The following GRXCR1 variants were observed in gnomAD, a reference collection of about 807,000 sequenced individuals.
GRXCR1 encodes glutaredoxin domain-containing cysteine-rich protein 1.
A neutral mutation model predicts 27.3 loss-of-function variants in GRXCR1; 27 were observed. The ratio of observed to expected loss-of-function variants is 0.99; its 90% CI spans 0.73 to 1.37. The LOEUF (loss-of-function observed/expected upper bound fraction) is 1.37, where lower values mean the gene tolerates loss of function less well. GRXCR1 is among the 40% of genes most tolerant of loss of function. The pLI is 0.00. For missense variants in GRXCR1, 379 were observed against 354.4 expected (o/e 1.07, Z -0.56); for synonymous variants, 122 against 131.1 (o/e 0.93, Z 0.47).
At chr4:42,980,229 A>C (rs546169249) in intron 2 of GRXCR1, among the ~76,000 whole-genome samples, 1 of 150,918 alleles carries the variant, frequency 6.6e-6, no homozygotes, top group South Asian at 2.1e-4. Flanking sequence ...GAAGTGTAAC[A>C]TTAGGTTGTT....
chr4:42,996,229 G>A (rs1273445384), intron 2 of GRXCR1, among the ~76,000 whole-genome samples: 1 of 152,168 alleles, frequency 6.6e-6, no homozygotes. Context: ...TATATGTAGT[G>A]CTACAGAAAT....
At chr4:43,017,515 A>C (rs1295949875) in intron 2 of GRXCR1, among the ~76,000 whole-genome samples, 6 of 152,192 alleles carry the variant, frequency 3.9e-5, no homozygotes, top group African/African-American at 9.6e-5. Flanking sequence ...CTTACTTCGC[A>C]CCAATGCTTA....
chr4:42,990,512 C>T (rs1228071608), intron 2 of GRXCR1, among the ~76,000 whole-genome samples: 1 of 152,082 alleles, frequency 6.6e-6, no homozygotes, highest in East Asian at 1.9e-4. Flanking sequence ...ATGAATTTAT[C>T]TCTAAAAATT....
chr4:42,942,306 A>G (rs539400696), intron 1 of GRXCR1, among the ~76,000 whole-genome samples: 2 of 152,058 alleles, frequency 1.3e-5, no homozygotes, highest in Non-Finnish European at 2.9e-5. Context: ...TTTTTAAAGA[A>G]AAATTGTATT....
chr4:43,004,298 T>C (rs1712478700), intron 2 of GRXCR1, among the ~76,000 whole-genome samples: 1 of 152,228 alleles, frequency 6.6e-6, no homozygotes, highest in Non-Finnish European at 1.5e-5. Flanking sequence ...CACCTGGATG[T>C]CCAGGCAGAA....
intron 2 of GRXCR1, among the ~76,000 whole-genome samples, chr4:42,995,136 G>A (rs1427964298): frequency 6.6e-6 from 1 of 151,998 alleles, no homozygotes; most frequent in Non-Finnish European, 1.5e-5. Flanking sequence ...TCATCACTGT[G>A]ACACTTTTGA....
At chr4:42,928,021 G>C (rs929554178) in intron 1 of GRXCR1, among the ~76,000 whole-genome samples, 5 of 151,852 alleles carry the variant, frequency 3.3e-5, no homozygotes, top group Non-Finnish European at 5.9e-5. Context: ...CTCTTCAGAG[G>C]GGCAAGGAAT....
intron 1 of GRXCR1, among the ~76,000 whole-genome samples, chr4:42,902,670 C>T (rs1362638809): frequency 6.6e-6 from 1 of 152,050 alleles, no homozygotes; most frequent in Admixed American, 6.6e-5. Flanking sequence ...ACAACACACA[C>T]TGGGGCATTT....
At chr4:42,926,532 T>G (rs1293276544) in intron 1 of GRXCR1, among the ~76,000 whole-genome samples, 1 of 152,002 alleles carries the variant, frequency 6.6e-6, no homozygotes, top group Non-Finnish European at 1.5e-5. Flanking sequence ...TTCCCTTGAC[T>G]CAGTGATAAT....
intron 3 of GRXCR1, among the ~76,000 whole-genome samples, chr4:43,023,335 G>A (rs542880169): frequency 7.1e-4 from 108 of 152,310 alleles, no homozygotes; most frequent in Non-Finnish European, 1.3e-3. Context: ...GTTATTTCAA[G>A]TGATGCTGAA....
intron 1 of GRXCR1, among the ~76,000 whole-genome samples, chr4:42,932,253 GTCC>G (rs752946623): frequency 4.0e-5 from 6 of 151,674 alleles, no homozygotes; most frequent in Non-Finnish European, 7.4e-5. Flanking sequence ...ATGCATTACA[GTCC>G]TCCTGCCAGG....
intron 3 of GRXCR1, among the ~76,000 whole-genome samples, chr4:43,022,500 C>T (rs1295048257): frequency 6.6e-6 from 1 of 152,152 alleles, no homozygotes; most frequent in Non-Finnish European, 1.5e-5. Flanking sequence ...AAATAAGGCA[C>T]AAATACTTTA....
At chr4:43,008,463 T>C (rs1712634393) in intron 2 of GRXCR1, among the ~76,000 whole-genome samples, 1 of 152,234 alleles carries the variant, frequency 6.6e-6, no homozygotes, top group African/African-American at 2.4e-5. Context: ...GAAGTGTCTA[T>C]GAGGCACAAG....
intron 2 of GRXCR1, among the ~76,000 whole-genome samples, chr4:42,987,277 T>TAGAGAG (rs1181869530): frequency 2.9e-5 from 3 of 104,260 alleles, no homozygotes; most frequent in African/African-American, 7.3e-5. Flanking sequence ...TATATATATA[T>TAGAGAG]AGAGAGAGAG....
At chr4:42,973,696 G>T (rs1748439502) in intron 2 of GRXCR1, among the ~76,000 whole-genome samples, 1 of 152,120 alleles carries the variant, frequency 6.6e-6, no homozygotes, top group African/African-American at 2.4e-5. Context: ...ACCTAAGTGG[G>T]TATATCAAAG....
chr4:42,963,210 T>G, intron 2 of GRXCR1, 76 bp downstream of exon 2: 1 of 1,535,310 alleles, frequency 6.5e-7, no homozygotes, highest in South Asian at 1.1e-5. Flanking sequence ...CATCTATACA[T>G]TTGCAGCGTA....
chr4:43,024,297 A>T (rs867168515), intron 3 of GRXCR1, among the ~76,000 whole-genome samples: 1 of 148,018 alleles, frequency 6.8e-6, no homozygotes, highest in African/African-American at 2.5e-5. Context: ...CCGAGCAAAG[A>T]TTCCCGGCTA....
At chr4:42,992,363 C>T (rs530829490) in intron 2 of GRXCR1, among the ~76,000 whole-genome samples, 25 of 152,178 alleles carry the variant, frequency 1.6e-4, no homozygotes, top group African/African-American at 4.6e-4. Context: ...GTATTAATGC[C>T]ACTTTCTCTG....
At chr4:42,900,370 A>G (rs1746433085) in intron 1 of GRXCR1, among the ~76,000 whole-genome samples, 1 of 152,192 alleles carries the variant, frequency 6.6e-6, no homozygotes, top group Non-Finnish European at 1.5e-5. Context: ...TTAATTGCTG[A>G]TAAATTATGC....
Sources: gnomAD v4.1 joint callset for allele counts (sites outside exome capture counted in the v4.1 genomes callset) on GRCh38, gnomAD v4.1.1 for gene constraint, MANE v1.5 for transcripts, NCBI Gene and HGNC (gene_info 2026-07-23, HGNC 2026-07-21) for gene names.